The following NRXN1 variants were observed in gnomAD, a reference collection of about 807,000 sequenced individuals.
The protein encoded by NRXN1 is neurexin 1, also known as neurexin-1.
A neutral mutation model predicts 150.9 loss-of-function variants in NRXN1; 39 were observed. That is an observed-to-expected ratio of 0.26 (90% confidence interval 0.20 to 0.34). The LOEUF (loss-of-function observed/expected upper bound fraction) is 0.34. NRXN1 is among the 10% of genes least tolerant of loss of function. The pLI, the probability that NRXN1 is intolerant of heterozygous loss-of-function variation, is 1.00. For synonymous variants in NRXN1, 924 were observed against 757.0 expected (o/e 1.22, Z -3.62); for missense variants, 1,815 against 1,949.9 (o/e 0.93, Z 1.30).
intron 2 of NRXN1, among the ~76,000 whole-genome samples, chr2:50,973,478 A>C (rs2104807745): frequency 6.6e-6 from 1 of 152,288 alleles, no homozygotes; most frequent in Non-Finnish European, 1.5e-5. Flanking sequence ...AATGCCTACT[A>C]AGTACACAGT....
intron 17 of NRXN1, among the ~76,000 whole-genome samples, chr2:50,316,025 A>C (rs2152968756): frequency 6.6e-6 from 1 of 152,238 alleles, no homozygotes; most frequent in African/African-American, 2.4e-5. Context: ...AGGAGTTGGT[A>C]GTATGCCTGA....
intron 21 of NRXN1, among the ~76,000 whole-genome samples, chr2:50,047,798 T>C (rs1183423635): frequency 1.3e-5 from 2 of 152,060 alleles, no homozygotes; most frequent in Non-Finnish European, 2.9e-5. Context: ...AGAACATAAG[T>C]TCGGTGCAGA....
chr2:50,755,886 C>G (rs1206330868), intron 5 of NRXN1, among the ~76,000 whole-genome samples: 1 of 151,790 alleles, frequency 6.6e-6, no homozygotes, highest in Non-Finnish European at 1.5e-5. Context: ...TGTGAGGGTT[C>G]CTTCACTTTA....
At position 50,894,115 on chromosome 2, in the gene NRXN1, G is replaced by A. The variant is rs1451871822; in HGVS notation, c.832+27754C>T. Among the ~76,000 whole-genome samples the A allele has an allele frequency of 2.6e-5, 4 of 152,040 alleles. No individual in the cohort carries two copies. In the East Asian group the frequency reaches 5.8e-4, roughly 22 times the overall value. On this transcript the variant is annotated intron_variant, in intron 5 of 22. Transcript: ENST00000401669. ...GGGTTGGGGGGAGGGGGAAGGGATA[G>A]CATTGGGAGATATACCTAATGCTAG... is the stretch of plus-strand genomic sequence containing the variant.
chr2:50,874,810 A>T (rs1351550472), intron 5 of NRXN1, among the ~76,000 whole-genome samples: 1 of 151,798 alleles, frequency 6.6e-6, no homozygotes, highest in Non-Finnish European at 1.5e-5. Context: ...TCTTTGGTCC[A>T]TTAAGTAGGC....
At chr2:50,157,287 C>T (rs2059079207) in intron 18 of NRXN1, among the ~76,000 whole-genome samples, 1 of 151,976 alleles carries the variant, frequency 6.6e-6, no homozygotes, top group Non-Finnish European at 1.5e-5. Flanking sequence ...GAGTAGTTGG[C>T]ATTGTATCTG....
intron 17 of NRXN1, among the ~76,000 whole-genome samples, chr2:50,357,302 A>ATTTATTTTATTT (rs59536239): frequency 7.0e-6 from 1 of 142,838 alleles, no homozygotes; most frequent in African/African-American, 2.8e-5. Flanking sequence ...TTATTTATTT[A>ATTTATTTTATTT]TTTTTTTTTT....
At chr2:50,789,520 G>C (rs957126062) in intron 5 of NRXN1, among the ~76,000 whole-genome samples, 3 of 152,134 alleles carry the variant, frequency 2.0e-5, no homozygotes, top group Non-Finnish European at 4.4e-5. Context: ...TCCCAAAGTT[G>C]AAATAAAACT....
At chr2:50,898,909 C>A (rs575217584) in intron 5 of NRXN1, among the ~76,000 whole-genome samples, 1 of 150,954 alleles carries the variant, frequency 6.6e-6, no homozygotes. Flanking sequence ...AATGTAGTAC[C>A]TATTCTGGAA....
At chr2:50,641,028 C>T (rs1351911067) in intron 5 of NRXN1, among the ~76,000 whole-genome samples, 1 of 152,162 alleles carries the variant, frequency 6.6e-6, no homozygotes, top group African/African-American at 2.4e-5. Flanking sequence ...CCATCAGTAG[C>T]TTTTCCTGGA....
At chr2:50,045,347 A>T (rs1691642597) in intron 21 of NRXN1, among the ~76,000 whole-genome samples, 1 of 152,106 alleles carries the variant, frequency 6.6e-6, no homozygotes, top group African/African-American at 2.4e-5. Context: ...ACACAAAATT[A>T]TCTTTTTTGT....
intron 19 of NRXN1, among the ~76,000 whole-genome samples, chr2:50,075,236 T>C (rs937050308): frequency 2.6e-5 from 4 of 152,198 alleles, no homozygotes; most frequent in Admixed American, 2.6e-4. Flanking sequence ...ATTCTATTAG[T>C]CTACTTTGAC....
intron 21 of NRXN1, among the ~76,000 whole-genome samples, chr2:49,977,092 G>C (rs369250876): frequency 1.3e-5 from 2 of 152,012 alleles, no homozygotes; most frequent in African/African-American, 4.8e-5. Context: ...TGAAAACTTG[G>C]CTTATAGATT....
chr2:50,526,181 T>C (rs1042982969), intron 12 of NRXN1, among the ~76,000 whole-genome samples: 5 of 152,214 alleles, frequency 3.3e-5, no homozygotes, highest in Non-Finnish European at 5.9e-5. Flanking sequence ...GAAAAGTGTT[T>C]CTGGGGAAGT....
chr2:50,782,073 T>C (rs368040409), intron 5 of NRXN1, among the ~76,000 whole-genome samples: 1 of 151,678 alleles, frequency 6.6e-6, no homozygotes, highest in East Asian at 1.9e-4. Context: ...TACAAAATGT[T>C]TTCTTTTCTT....
intron 17 of NRXN1, among the ~76,000 whole-genome samples, chr2:50,286,830 A>C (rs1004853700): frequency 6.6e-6 from 1 of 152,128 alleles, no homozygotes; most frequent in African/African-American, 2.4e-5. Context: ...AGAATTTGCA[A>C]TTAAGTGTTC....
intron 5 of NRXN1, among the ~76,000 whole-genome samples, chr2:50,861,956 A>G (rs1469271097): frequency 6.6e-6 from 1 of 151,906 alleles, no homozygotes; most frequent in East Asian, 1.9e-4. Flanking sequence ...AATCCCAGCA[A>G]TTTGGGAGGC....
At chr2:50,197,482 T>C (rs1207347376) in intron 18 of NRXN1, among the ~76,000 whole-genome samples, 2 of 152,192 alleles carry the variant, frequency 1.3e-5, no homozygotes, top group East Asian at 1.9e-4. Context: ...TGAAATGTAA[T>C]GACGTTTTTG....
intron 18 of NRXN1, among the ~76,000 whole-genome samples, chr2:50,166,609 T>G (rs2152795304): frequency 6.6e-6 from 1 of 152,300 alleles, no homozygotes; most frequent in Non-Finnish European, 1.5e-5. Flanking sequence ...TATGTGTTTT[T>G]TGGCTACTAA....
Sources: allele counts gnomAD v4.1 joint callset (sites outside exome capture counted in the v4.1 genomes callset), GRCh38; gene constraint gnomAD v4.1.1; transcripts MANE v1.5; gene names NCBI Gene and HGNC (gene_info 2026-07-23, HGNC 2026-07-21).